The following FIGN variants were observed in gnomAD, a reference collection of about 807,000 sequenced individuals.
The protein encoded by FIGN is fidgetin, microtubule severing factor.
Under a neutral mutation model 51.3 loss-of-function variants are expected in FIGN, and 11 were observed. The observed-to-expected ratio is 0.21, with a 90% CI of 0.13 to 0.35. The LOEUF (loss-of-function observed/expected upper bound fraction) is 0.35, where lower values mean the gene tolerates loss of function less well. Among genes scored for constraint, FIGN ranks in the 10% least tolerant of loss-of-function variants. The pLI, the probability that FIGN is intolerant of heterozygous loss-of-function variation, is 1.00. For synonymous variants in FIGN, 407 were observed against 363.2 expected (o/e 1.12, Z -1.37); for missense variants, 857 against 943.6 (o/e 0.91, Z 1.20).
intron 2 of FIGN, among the ~76,000 whole-genome samples, chr2:163,676,434 A>AATATATAT (rs202072418): frequency 3.5e-4 from 23 of 65,870 alleles, no homozygotes; most frequent in African/African-American, 8.4e-4. Flanking sequence ...GGATTCCTGG[A>AATATATAT]ATATATATAT....
At chr2:163,620,632 T>C (rs1682952538) in intron 2 of FIGN, among the ~76,000 whole-genome samples, 2 of 152,186 alleles carry the variant, frequency 1.3e-5, no homozygotes, top group Non-Finnish European at 2.9e-5. Flanking sequence ...TTTAAAATAT[T>C]TTGCAGAGAT....
At chr2:163,665,286 G>A (rs569614728) in intron 2 of FIGN, among the ~76,000 whole-genome samples, 1 of 152,316 alleles carries the variant, frequency 6.6e-6, no homozygotes, top group Admixed American at 6.5e-5. Context: ...GGCTTAAGAG[G>A]GAATTAAGGA....
chr2:163,725,088 G>A (rs1459176361), intron 2 of FIGN, among the ~76,000 whole-genome samples: 2 of 151,948 alleles, frequency 1.3e-5, no homozygotes, highest in Admixed American at 1.3e-4. Context: ...TGTTGTCCAT[G>A]ACAACAAATG....
chr2:163,676,682 C>G (rs1290063968), intron 2 of FIGN, among the ~76,000 whole-genome samples: 1 of 151,676 alleles, frequency 6.6e-6, no homozygotes, highest in African/African-American at 2.4e-5. Context: ...AATATCAGCT[C>G]TGTGGTTAAG....
chr2:163,725,253 A>AT (rs1043217575), intron 2 of FIGN, among the ~76,000 whole-genome samples: 14 of 152,206 alleles, frequency 9.2e-5, no homozygotes, highest in African/African-American at 3.1e-4. Context: ...AATATCAAAA[A>AT]TTTTTTAAAA....
chr2:163,715,809 G>A (rs1273575011), intron 2 of FIGN, among the ~76,000 whole-genome samples: 1 of 152,136 alleles, frequency 6.6e-6, no homozygotes, highest in South Asian at 2.1e-4. Context: ...CTAAGGCTGG[G>A]TATGAATCTA....
intron 2 of FIGN, among the ~76,000 whole-genome samples, chr2:163,718,074 T>C (rs538771458): frequency 6.7e-6 from 1 of 150,180 alleles, no homozygotes; most frequent in East Asian, 2.0e-4. Context: ...GGGGGGAGAG[T>C]GTGTCAAGGA....
chr2:163,651,354 C>T (rs184561548), intron 2 of FIGN, among the ~76,000 whole-genome samples: 90 of 152,134 alleles, frequency 5.9e-4, no homozygotes, highest in South Asian at 5.8e-3. Flanking sequence ...CCCAGCTACT[C>T]GGTAGGCTGA....
At chr2:163,645,618 A>G (rs1235361079) in intron 2 of FIGN, among the ~76,000 whole-genome samples, 2 of 152,154 alleles carry the variant, frequency 1.3e-5, no homozygotes, top group African/African-American at 4.8e-5. Flanking sequence ...AGCCATGGTG[A>G]GCAGAGGGGC....
chr2:163,637,863 T>TA (rs888018766), intron 2 of FIGN, among the ~76,000 whole-genome samples: 7 of 152,138 alleles, frequency 4.6e-5, no homozygotes, highest in African/African-American at 1.7e-4. Flanking sequence ...ACTTTTGCCA[T>TA]AAAAAAATAA....
At chr2:163,728,827 T>C (rs911414414) in intron 2 of FIGN, among the ~76,000 whole-genome samples, 3 of 152,216 alleles carry the variant, frequency 2.0e-5, no homozygotes, top group Non-Finnish European at 4.4e-5. Flanking sequence ...TGTTGCTGTC[T>C]TCAAATTAAT....
At chr2:163,732,837 A>C (rs1321115356) in intron 2 of FIGN, among the ~76,000 whole-genome samples, 1 of 152,206 alleles carries the variant, frequency 6.6e-6, no homozygotes, top group Non-Finnish European at 1.5e-5. Flanking sequence ...TCCCTGATAG[A>C]TGTTTCTCTT....
At chr2:163,709,610 A>C (rs1429633191) in intron 2 of FIGN, among the ~76,000 whole-genome samples, 6 of 152,082 alleles carry the variant, frequency 3.9e-5, no homozygotes, top group Non-Finnish European at 7.4e-5. Context: ...CCCACTCAAG[A>C]AGCGATTTAC....
At chr2:163,659,876 G>C (rs1477636946) in intron 2 of FIGN, among the ~76,000 whole-genome samples, 1 of 152,072 alleles carries the variant, frequency 6.6e-6, no homozygotes, top group Non-Finnish European at 1.5e-5. Flanking sequence ...GCTGAGTCCA[G>C]AGGATCACTT....
chr2:163,662,695 T>C (rs1192233560), intron 2 of FIGN, among the ~76,000 whole-genome samples: 1 of 152,180 alleles, frequency 6.6e-6, no homozygotes, highest in Non-Finnish European at 1.5e-5. Context: ...AGGGGTGGAA[T>C]GATATGGTTT....
chr2:163,609,388 T>G lies in FIGN; in HGVS notation c.*164A>C. The G allele has an allele frequency of 1.6e-6, 1 of 640,984 alleles. No individual in the cohort carries two copies. Among genetic ancestry groups the G allele is most frequent in the Non-Finnish European group, 2.6e-6 (1 of 380,260 alleles). The allele number at this position is 640,984 out of a possible 1,614,324, so 39.7% of individuals were successfully genotyped here. A position where few individuals can be genotyped will look rare whatever the true frequency, so the allele number is the denominator to read the frequency against. ...AATCAGAAGCTCTCATTTGATGCAC[T>G]TTTCCTCCAAATCTACCCTGACTCT... is the stretch of plus-strand genomic sequence containing the variant. On this transcript the variant is annotated 3_prime_UTR_variant, in exon 3 of 3. Transcript: ENST00000333129.
At chr2:163,689,339 C>G (rs1324412067) in intron 2 of FIGN, among the ~76,000 whole-genome samples, 1 of 151,966 alleles carries the variant, frequency 6.6e-6, no homozygotes, top group Non-Finnish European at 1.5e-5. Flanking sequence ...TCATAGGTAC[C>G]ACATATATTT....
At chr2:163,702,955 C>A (rs1402019351) in intron 2 of FIGN, among the ~76,000 whole-genome samples, 1 of 151,644 alleles carries the variant, frequency 6.6e-6, no homozygotes, top group Non-Finnish European at 1.5e-5. Flanking sequence ...TTGCCCCATA[C>A]TAAAAGCTCG....
chr2:163,646,014 A>G (rs865970541), intron 2 of FIGN, among the ~76,000 whole-genome samples: 3 of 152,214 alleles, frequency 2.0e-5, no homozygotes, highest in South Asian at 2.1e-4. Flanking sequence ...CTGCAAATTT[A>G]GGATGAAAAT....
Sources: allele counts gnomAD v4.1 joint callset (sites outside exome capture counted in the v4.1 genomes callset), GRCh38; gene constraint gnomAD v4.1.1; transcripts MANE v1.5; gene names NCBI Gene and HGNC (gene_info 2026-07-23, HGNC 2026-07-21).